The following MMD variants were observed in gnomAD, a reference collection of about 807,000 sequenced individuals.
MMD encodes the protein monocyte to macrophage differentiation factor.
MMD carries 22 observed loss-of-function variants against 33.6 expected under a neutral mutation model. The observed-to-expected ratio is 0.66, with a 90% CI of 0.47 to 0.94. The LOEUF (loss-of-function observed/expected upper bound fraction) is 0.94, where lower values mean the gene tolerates loss of function less well. Ranked by LOEUF, MMD falls within the 40% of genes least tolerant of loss-of-function variation. The pLI is 0.00. For synonymous variants in MMD, 97 were observed against 103.2 expected, an observed-to-expected ratio of 0.94 and a Z score of 0.36; for missense variants, 242 against 309.8, an observed-to-expected ratio of 0.78 and a Z score of 1.64.
At chr17:55,397,006 T>G (rs1907126671) in intron 6 of MMD, among the ~76,000 whole-genome samples, 1 of 152,160 alleles carries the variant, frequency 6.6e-6, no homozygotes, top group Non-Finnish European at 1.5e-5. Context: ...TTAAGACCCT[T>G]AAAACAATGT....
At chr17:55,413,315 C>CAG (rs1907834854) in intron 2 of MMD, among the ~76,000 whole-genome samples, 2 of 150,246 alleles carry the variant, frequency 1.3e-5, no homozygotes, top group Admixed American at 1.3e-4. Context: ...CACTATTTTT[C>CAG]CCTCAATGTC....
intron 2 of MMD, among the ~76,000 whole-genome samples, chr17:55,413,221 T>A (rs1907830388): frequency 1.3e-5 from 2 of 152,226 alleles, no homozygotes. Context: ...ACTACCACAG[T>A]TAAACTAGCC....
intron 3 of MMD, among the ~76,000 whole-genome samples, chr17:55,409,254 G>A (rs1338649450): frequency 6.6e-6 from 1 of 152,208 alleles, no homozygotes; most frequent in Non-Finnish European, 1.5e-5. Flanking sequence ...AAAATACAGT[G>A]ATGGCCTCCA....
Position 55,394,387 on chromosome 17 carries a change from CG to C in MMD, c.663del (p.Tyr221Ter). Reference protein sequence around the residue: ...FVATAAAVHYYAIWKYLYRSP... With the variant: ...FVATAAAVHYXAIWKYLYRSP... ...CTTCGGTAAAGGTATTTCCAAATGG[CG>C]TAGTAATGCACTGCAGCTGCCGTGG... On this transcript the variant is annotated frameshift_variant, in exon 7 of 7. Coordinates refer to ENST00000262065, the MANE Select transcript of MMD (RefSeq NM_012329.3). LOFTEE classifies it high-confidence loss of function. The C allele has an allele frequency of 6.8e-7, 1 of 1,462,452 alleles. No homozygotes were observed. Among genetic ancestry groups the C allele is most frequent in the Non-Finnish European group, 9.0e-7 (1 of 1,108,886 alleles). 90.6% of individuals were successfully genotyped at this position (1,462,452 alleles called of 1,614,324 possible).
intron 4 of MMD, chr17:55,404,662 C>A (rs1334522854): frequency 2.0e-6 from 2 of 985,114 alleles, no homozygotes; most frequent in African/African-American, 3.5e-5. Flanking sequence ...AAGAATTATT[C>A]CTAACATGTA....
Position 55,401,263 on chromosome 17 carries a change from C to T in MMD, c.516+206G>A, listed in dbSNP as rs536968773. Among the ~76,000 whole-genome samples, 9 of 152,300 alleles carry T rather than the reference C, an allele frequency of 5.9e-5. 1 individual carries two copies. In the South Asian group the frequency reaches 1.2e-3, roughly 21 times the overall value. On this transcript the variant is annotated intron_variant, in intron 6 of 6. Coordinates refer to ENST00000262065, the MANE Select transcript of MMD (RefSeq NM_012329.3). The stretch of plus-strand genomic sequence containing the variant: ...CAACCTCCTGGGCTCAAGCAATCCT[C>T]CTGCCTCAGCCTCCCATGTAGCTGG...
At chr17:55,402,558 C>A (rs771125767) in intron 5 of MMD, among the ~76,000 whole-genome samples, 1 of 152,164 alleles carries the variant, frequency 6.6e-6, no homozygotes, top group Non-Finnish European at 1.5e-5. Flanking sequence ...CTAATGTCTG[C>A]CAAACTGAAT....
rs762436172 is a variant in MMD at position 55,394,356 on chromosome 17, G to A, written c.695C>T (p.Thr232Met). The A allele has an allele frequency of 2.8e-5, 39 of 1,401,256 alleles. No homozygotes were observed. Among genetic ancestry groups the A allele is most frequent in the Admixed American group, 5.9e-5 (2 of 33,952 alleles). The allele number at this position is 1,401,256 out of a possible 1,614,324, so 86.8% of individuals were successfully genotyped here. The change falls in exon 7 of 7, where the codon ACG becomes ATG. Residue 232 changes from threonine to methionine, a missense_variant. Coordinates refer to ENST00000262065, the MANE Select transcript of MMD (RefSeq NM_012329.3). ...AIWKYLYRSP[T>M]DFMRHL ...TGGTCATAAATGCCGCATAAAGTCC[G>A]TAGGACTTCGGTAAAGGTATTTCCA...
intron 3 of MMD, among the ~76,000 whole-genome samples, chr17:55,410,474 C>T (rs958511494): frequency 3.3e-5 from 5 of 152,140 alleles, no homozygotes; most frequent in African/African-American, 1.2e-4. Context: ...ACAAGCAAAC[C>T]ATTCCCACCT....
chr17:55,414,323 C>T (rs1051951885), intron 1 of MMD, 91 bp from the exon 2 acceptor site: 76 of 1,196,756 alleles, frequency 6.4e-5, no homozygotes, highest in East Asian at 3.6e-4. Flanking sequence ...GTCTATTCTA[C>T]GCAAAGAAGT....
chr17:55,414,556 T>TCACACACACACACACACACA (rs58103743), intron 1 of MMD, among the ~76,000 whole-genome samples: 7 of 122,922 alleles, frequency 5.7e-5, no homozygotes, highest in African/African-American at 2.2e-4. Context: ...CCTCCTCCAT[T>TCACACACACACACACACACA]CACACACACA....
intron 6 of MMD, among the ~76,000 whole-genome samples, chr17:55,399,394 G>A (rs1450705365): frequency 6.6e-6 from 1 of 152,170 alleles, no homozygotes; most frequent in East Asian, 1.9e-4. Flanking sequence ...GGTCCTTTGT[G>A]ATCTGGACTC....
chr17:55,417,964 G>A (rs966713868), intron 1 of MMD, among the ~76,000 whole-genome samples: 1 of 152,166 alleles, frequency 6.6e-6, no homozygotes, highest in African/African-American at 2.4e-5. Context: ...GTCTCAGGGT[G>A]GCATCTTTCT....
chr17:55,419,368 T>C (rs978786747), intron 1 of MMD, among the ~76,000 whole-genome samples: 7 of 152,230 alleles, frequency 4.6e-5, no homozygotes, highest in African/African-American at 1.4e-4. Flanking sequence ...ATGAGGAAGA[T>C]AAAATATGCC....
intron 6 of MMD, among the ~76,000 whole-genome samples, chr17:55,400,230 AC>A (rs1196691758): frequency 6.6e-6 from 1 of 152,172 alleles, no homozygotes; most frequent in African/African-American, 2.4e-5. Flanking sequence ...TGTTTTTGTG[AC>A]CAGGAAAAAA....
At chr17:55,418,803 A>C (rs1056436201) in intron 1 of MMD, among the ~76,000 whole-genome samples, 2 of 152,252 alleles carry the variant, frequency 1.3e-5, no homozygotes, top group Non-Finnish European at 2.9e-5. Context: ...CTGTAGATTA[A>C]AATGCTTTCC....
intron 6 of MMD, among the ~76,000 whole-genome samples, chr17:55,401,128 G>C (rs979097819): frequency 1.3e-5 from 2 of 152,154 alleles, no homozygotes; most frequent in African/African-American, 4.8e-5. Flanking sequence ...ACGGTACCTA[G>C]TGCAAGCTTA....
chr17:55,413,631 T>G (rs1181457288), intron 2 of MMD, among the ~76,000 whole-genome samples: 3 of 152,176 alleles, frequency 2.0e-5, no homozygotes, highest in Non-Finnish European at 4.4e-5. Flanking sequence ...AACAAAAAAT[T>G]TAGGGATCAC....
At chr17:55,419,520 C>G (rs1908094180) in intron 1 of MMD, among the ~76,000 whole-genome samples, 1 of 152,202 alleles carries the variant, frequency 6.6e-6, no homozygotes, top group Non-Finnish European at 1.5e-5. Flanking sequence ...CAGTGTGTCT[C>G]TCCCTCCAGT....
Sources: allele counts gnomAD v4.1 joint callset (sites outside exome capture counted in the v4.1 genomes callset), GRCh38; gene constraint gnomAD v4.1.1; transcripts MANE v1.5; gene names NCBI Gene and HGNC (gene_info 2026-07-23, HGNC 2026-07-21).